Variants in PTPRN2 observed in about 807,000 individuals in gnomAD.
PTPRN2 encodes the protein protein tyrosine phosphatase receptor type N2.
PTPRN2 carries 74 observed loss-of-function variants against 118.8 expected under a neutral mutation model. The ratio of observed to expected loss-of-function variants is 0.62; its 90% CI spans 0.52 to 0.76. The LOEUF is 0.76. Among genes scored for constraint, PTPRN2 ranks in the 30% least tolerant of loss-of-function variants. PTPRN2 has a pLI of 0.00. For synonymous variants in PTPRN2, 641 were observed against 608.0 expected (o/e 1.05, Z -0.80); for missense variants, 1,481 against 1,394.4 (o/e 1.06, Z -0.99).
intron 5 of PTPRN2, among the ~76,000 whole-genome samples, chr7:158,188,183 CCGCGATGGGGAAGGCCGCCACGCTCGCCG>C (rs1442638728): frequency 1.3e-4 from 15 of 119,372 alleles, no homozygotes; most frequent in South Asian, 8.6e-4. Context: ...CACGCTCGCC[CCGCGATGGGGAAGGCCGCCACGCTCGCCG>C]CCTGATGGGG....
intron 17 of PTPRN2, among the ~76,000 whole-genome samples, chr7:157,589,179 C>A (rs1418017247): frequency 6.6e-6 from 1 of 152,190 alleles, no homozygotes; most frequent in Non-Finnish European, 1.5e-5. Context: ...GAATCTGACG[C>A]CTCCGGGGAC....
At chr7:158,077,766 A>T (rs1406385185) in intron 11 of PTPRN2, among the ~76,000 whole-genome samples, 2 of 152,254 alleles carry the variant, frequency 1.3e-5, no homozygotes, top group Non-Finnish European at 2.9e-5. Context: ...AAAAGCAAAC[A>T]GTTTCTAAAG....
chr7:157,866,623 C>T (rs1283342205), intron 12 of PTPRN2, among the ~76,000 whole-genome samples: 1 of 152,094 alleles, frequency 6.6e-6, no homozygotes, highest in African/African-American at 2.4e-5. Context: ...TTCTCCCAGG[C>T]ACCCAGCATG....
At chr7:158,550,089 A>G (rs1826548115) in intron 1 of PTPRN2, among the ~76,000 whole-genome samples, 1 of 152,146 alleles carries the variant, frequency 6.6e-6, no homozygotes, top group Admixed American at 6.5e-5. Context: ...AGAGCCCCCC[A>G]GCCTCGTTCT....
chr7:157,661,647 G>T (rs1299722730), intron 13 of PTPRN2, among the ~76,000 whole-genome samples: 1 of 142,120 alleles, frequency 7.0e-6, no homozygotes, highest in Non-Finnish European at 1.6e-5. Flanking sequence ...CAGTGATAAG[G>T]CCAGGAATGG....
chr7:158,187,337 A>C (rs1046230513), intron 5 of PTPRN2, among the ~76,000 whole-genome samples: 22 of 152,260 alleles, frequency 1.4e-4, no homozygotes, highest in Non-Finnish European at 2.9e-4. Flanking sequence ...CATAGAAAAC[A>C]ATGATTTATA....
intron 5 of PTPRN2, among the ~76,000 whole-genome samples, chr7:158,180,567 C>T (rs1158532137): frequency 6.6e-6 from 1 of 152,182 alleles, no homozygotes; most frequent in Non-Finnish European, 1.5e-5. Flanking sequence ...TCTTCCAATC[C>T]ATAAGCATGG....
chr7:157,856,902 T>G (rs1809747785), intron 12 of PTPRN2, among the ~76,000 whole-genome samples: 1 of 152,226 alleles, frequency 6.6e-6, no homozygotes, highest in Admixed American at 6.5e-5. Flanking sequence ...ACCTGTACAT[T>G]CACCCAACTG....
chr7:158,096,735 C>T (rs1364004912), intron 10 of PTPRN2, among the ~76,000 whole-genome samples: 1 of 152,216 alleles, frequency 6.6e-6, no homozygotes, highest in Non-Finnish European at 1.5e-5. Context: ...AACATGAGGC[C>T]CCATTCCCCA....
rs148369430 is a variant in PTPRN2, at chr7:158,076,018, C to G, written c.1723+5280G>C. Among the ~76,000 whole-genome samples the G allele has an allele frequency of 3.2e-3, 482 of 152,362 alleles. 4 individuals carry two copies. Among genetic ancestry groups the G allele is most frequent in the African/African-American group, 0.011 (469 of 41,582 alleles). ...GTCTGGCGAAGGGGAGCGCTGGGATCCCTGTGCCTGGAAGACCCTTGAGGA... is the reference window on the plus strand; with the variant it reads ...GTCTGGCGAAGGGGAGCGCTGGGATGCCTGTGCCTGGAAGACCCTTGAGGA... On this transcript the variant is annotated intron_variant, in intron 11 of 22. Coordinates refer to ENST00000389418, the MANE Select transcript of PTPRN2 (RefSeq NM_002847.5).
chr7:157,908,207 C>T (rs190886131), intron 11 of PTPRN2, among the ~76,000 whole-genome samples: 2 of 152,288 alleles, frequency 1.3e-5, no homozygotes, highest in East Asian at 3.9e-4. Context: ...ATCCATGGTG[C>T]CGGGCCCGGC....
intron 1 of PTPRN2, among the ~76,000 whole-genome samples, chr7:158,522,625 A>C (rs1374248349): frequency 6.6e-6 from 1 of 152,142 alleles, no homozygotes; most frequent in African/African-American, 2.4e-5. Context: ...TACAACATGC[A>C]CCTTGCTGCG....
chr7:157,852,823 C>T (rs544902399), intron 12 of PTPRN2, among the ~76,000 whole-genome samples: 68 of 143,940 alleles, frequency 4.7e-4, no homozygotes, highest in Middle Eastern at 3.9e-3. Context: ...GAGCCAAGAT[C>T]GCACCACTGC....
chr7:157,607,352 G>A (rs956062743), intron 15 of PTPRN2, among the ~76,000 whole-genome samples: 1 of 152,210 alleles, frequency 6.6e-6, no homozygotes, highest in Non-Finnish European at 1.5e-5. Flanking sequence ...CAGAGCGTGG[G>A]AATAAAAGCA....
chr7:158,344,847 G>A (rs1807379010), intron 2 of PTPRN2, among the ~76,000 whole-genome samples: 2 of 152,232 alleles, frequency 1.3e-5, no homozygotes, highest in African/African-American at 4.8e-5. Context: ...GCACCAGCTT[G>A]TGCATCTGTT....
intron 12 of PTPRN2, among the ~76,000 whole-genome samples, 186 bp downstream of exon 12, chr7:157,898,487 C>G (rs1323548264): frequency 6.6e-6 from 1 of 152,190 alleles, no homozygotes; most frequent in Non-Finnish European, 1.5e-5. Context: ...ATTGAACTCG[C>G]CAGGCACGTT....
chr7:158,112,889 C>A (rs576341431), intron 9 of PTPRN2, among the ~76,000 whole-genome samples: 1 of 152,216 alleles, frequency 6.6e-6, no homozygotes, highest in Non-Finnish European at 1.5e-5. Flanking sequence ...GGGGGCAGTG[C>A]ATCATGAATG....
At chr7:157,628,774 G>T (rs1803757147) in intron 14 of PTPRN2, among the ~76,000 whole-genome samples, 2 of 152,210 alleles carry the variant, frequency 1.3e-5, no homozygotes, top group African/African-American at 4.8e-5. Context: ...GAGGAAGAGG[G>T]TACTGGAAAG....
rs780826422 is a variant in PTPRN2 at position 157,595,299 on chromosome 7, C to T, written c.2435G>A (p.Arg812Lys). 4 of 1,614,220 alleles carry T rather than the reference C, an allele frequency of 2.5e-6. No individual in the cohort carries two copies. Among genetic ancestry groups the T allele is most frequent in the South Asian group, 2.2e-5 (2 of 91,082 alleles). The change falls in exon 17 of 23, where the codon AGG (arginine) becomes AAG (lysine). Residue 812 changes from arginine to lysine, a missense_variant. Physicochemically the swap from Arg to Lys is conservative, Grantham distance 26. Around this residue, in one of 3 missense-constraint regions of PTPRN2, gnomAD observed 362 missense variants for 384.1 expected, o/e 0.94. Transcript: ENST00000389418. ...CTGGGTGGCGATGTACGCGGGGTTC[C>T]TCGGGTCGTGATCCATCTGCAGAGA... ...NASPIMDHDP[R>K]NPAYIATQGP... is the part of the protein sequence containing the mutation.
Sources: gnomAD v4.1 joint callset for allele counts (sites outside exome capture counted in the v4.1 genomes callset) on GRCh38, gnomAD v4.1.1 for gene constraint, gnomAD v4.1.1 regional missense constraint, MANE v1.5 for transcripts, NCBI Gene and HGNC (gene_info 2026-07-23, HGNC 2026-07-21) for gene names.